Variants in EPB41 observed in about 807,000 individuals in gnomAD.
EPB41 encodes erythrocyte membrane protein band 4.1, also known as protein 4.1.
A neutral mutation model predicts 108.0 loss-of-function variants in EPB41; 65 were observed. That is an observed-to-expected ratio of 0.60 (90% CI 0.49 to 0.74). The LOEUF (loss-of-function observed/expected upper bound fraction) is 0.74. Ranked by LOEUF, EPB41 falls within the 30% of genes least tolerant of loss-of-function variation. EPB41 has a pLI of 0.00. For synonymous variants in EPB41, 336 were observed against 358.9 expected, an observed-to-expected ratio of 0.94 and a Z score of 0.72; for missense variants, 875 against 1,037.0, an observed-to-expected ratio of 0.84 and a Z score of 2.15.
intron 17 of EPB41, 104 bp from the exon 18 acceptor site, chr1:29,109,231 GA>G (rs1668349210): frequency 2.3e-6 from 2 of 852,632 alleles, no homozygotes; most frequent in Admixed American, 3.8e-5. Context: ...CTAAGGGAAT[GA>G]GATTTTTGCA....
At chr1:29,067,268 C>T (rs1292261230) in intron 16 of EPB41, among the ~76,000 whole-genome samples, 2 of 151,484 alleles carry the variant, frequency 1.3e-5, no homozygotes, top group African/African-American at 2.4e-5. Context: ...GAGGCCGAGG[C>T]GGGTGGATCA....
intron 19 of EPB41, among the ~76,000 whole-genome samples, chr1:29,113,285 A>G (rs1482525350): frequency 6.6e-6 from 1 of 152,216 alleles, no homozygotes; most frequent in Non-Finnish European, 1.5e-5. Flanking sequence ...TGCTTCTGGA[A>G]TCGTTGACTG....
At chr1:28,906,537 G>T (rs2091841325) in intron 1 of EPB41, among the ~76,000 whole-genome samples, 1 of 152,138 alleles carries the variant, frequency 6.6e-6, no homozygotes, top group African/African-American at 2.4e-5. Context: ...GGTTGGAGAG[G>T]GTCATGGGAG....
chr1:29,042,649 T>G (rs1360854820), intron 11 of EPB41, among the ~76,000 whole-genome samples: 4 of 152,078 alleles, frequency 2.6e-5, no homozygotes, highest in Non-Finnish European at 4.4e-5. Flanking sequence ...TGGCTAATTT[T>G]TGTATTTTTA....
At position 28,923,106 on chromosome 1, in the gene EPB41, CTTTTCTTTTTTTT is replaced by C. The variant is rs1186418020; in HGVS notation, c.-8+8343_-8+8355del. On this transcript the variant is annotated intron_variant, in intron 1 of 20. Coordinates refer to ENST00000343067, the MANE Select transcript of EPB41 (RefSeq NM_001376013.1). ...TTTTCTTCCTTCTTTCCTTTCTTTT[CTTTTCTTTTTTTT>C]TTTTTTTTTTTGAGATGGAGTCTCA... Among the ~76,000 whole-genome samples the C allele has an allele frequency of 7.0e-5, 8 of 114,728 alleles. No individual in the cohort carries two copies. In the East Asian group the frequency reaches 2.3e-3, roughly 33 times the overall value. 75.3% of individuals were successfully genotyped at this position (114,728 alleles called of 152,430 possible).
chr1:29,096,125 T>C, intron 16 of EPB41: 2 of 983,984 alleles, frequency 2.0e-6, no homozygotes, highest in Non-Finnish European at 2.4e-6. Context: ...CCTAATCTTC[T>C]TGCTTTTGTA....
At chr1:29,028,464 C>T (rs191912144) in intron 7 of EPB41, among the ~76,000 whole-genome samples, 1 of 152,296 alleles carries the variant, frequency 6.6e-6, no homozygotes, top group East Asian at 1.9e-4. Flanking sequence ...AACATTCATT[C>T]ATTCAGCAAA....
chr1:29,117,895 CAAGGAATTG>C lies in EPB41; in HGVS notation c.*1085_*1093del, dbSNP rs1671255075. 1 of 152,526 alleles carries C rather than the reference CAAGGAATTG, an allele frequency of 6.6e-6. No homozygotes were observed. The allele number at this position is 152,526 out of a possible 1,614,324, so 9.4% of individuals were successfully genotyped here. A position where few individuals can be genotyped will look rare whatever the true frequency, so the allele number is the denominator to read the frequency against. ...CCTGCCTGAGGACACCCTTCTAGAG[CAAGGAATTG>C]ACTTTTAGGAGCCGTTCTCCCCACA... is the stretch of plus-strand genomic sequence containing the variant. On this transcript the variant is annotated 3_prime_UTR_variant, in exon 21 of 21. Coordinates refer to ENST00000343067, the MANE Select transcript of EPB41 (RefSeq NM_001376013.1).
At chr1:29,070,733 C>T in intron 16 of EPB41, 1 of 1,207,976 alleles carries the variant, frequency 8.3e-7, no homozygotes, top group Non-Finnish European at 1.0e-6. Flanking sequence ...CCTAGGGGAG[C>T]TCTTGTGATC....
At chr1:28,963,616 T>C (rs572931439) in intron 1 of EPB41, among the ~76,000 whole-genome samples, 1 of 152,290 alleles carries the variant, frequency 6.6e-6, no homozygotes, top group Non-Finnish European at 1.5e-5. Flanking sequence ...AATTTTATTT[T>C]GGAACATTTC....
intron 11 of EPB41, among the ~76,000 whole-genome samples, chr1:29,039,786 C>T (rs1048103900): frequency 6.6e-6 from 1 of 152,064 alleles, no homozygotes; most frequent in African/African-American, 2.4e-5. Flanking sequence ...TGCACTCCAG[C>T]CTGGCTGACA....
intron 1 of EPB41, among the ~76,000 whole-genome samples, chr1:28,950,675 G>A (rs1322469408): frequency 6.6e-6 from 1 of 152,164 alleles, no homozygotes; most frequent in Non-Finnish European, 1.5e-5. Context: ...GCCATCTTGT[G>A]ACCTTCAGCC....
At chr1:28,966,140 C>T (rs532514332) in intron 1 of EPB41, among the ~76,000 whole-genome samples, 4 of 151,228 alleles carry the variant, frequency 2.6e-5, no homozygotes, top group East Asian at 3.9e-4. Context: ...GAGCTGAGAT[C>T]GCGCCTTTGC....
intron 17 of EPB41, among the ~76,000 whole-genome samples, chr1:29,100,377 G>A (rs1032132263): frequency 2.7e-5 from 4 of 145,932 alleles, no homozygotes; most frequent in African/African-American, 4.9e-5. Context: ...CAGGAGAATC[G>A]CTTGAATCTG....
At chr1:28,912,141 G>A (rs2092290917), upstream of EPB41, among the ~76,000 whole-genome samples, 1 of 152,168 alleles carries the variant, frequency 6.6e-6, no homozygotes, top group African/African-American at 2.4e-5. Flanking sequence ...TGTAAAATGA[G>A]GATGTTCATT....
intron 12 of EPB41, among the ~76,000 whole-genome samples, chr1:29,056,864 T>C (rs1380461824): frequency 1.3e-5 from 2 of 152,186 alleles, no homozygotes; most frequent in Non-Finnish European, 2.9e-5. Flanking sequence ...CTCTCAGTTT[T>C]CTGCTATTGG....
chr1:29,100,602 C>T (rs1664982527), intron 17 of EPB41, among the ~76,000 whole-genome samples: 1 of 146,688 alleles, frequency 6.8e-6, no homozygotes, highest in Non-Finnish European at 1.5e-5. Context: ...CCAGCCTGGG[C>T]AACAAAGTAA....
chr1:29,110,307 T>G (rs1170094300), intron 18 of EPB41, among the ~76,000 whole-genome samples: 1 of 152,224 alleles, frequency 6.6e-6, no homozygotes, highest in East Asian at 1.9e-4. Flanking sequence ...ATCATGCCAC[T>G]GCACTCCAGC....
intron 1 of EPB41, among the ~76,000 whole-genome samples, chr1:28,932,609 C>T (rs2093807035): frequency 6.6e-6 from 1 of 150,852 alleles, no homozygotes; most frequent in East Asian, 1.9e-4. Context: ...AGTCTAAGAT[C>T]TTTCTCCTCT....
Sources: allele counts gnomAD v4.1 joint callset (sites outside exome capture counted in the v4.1 genomes callset), GRCh38; gene constraint gnomAD v4.1.1; transcripts MANE v1.5; gene names NCBI Gene and HGNC (gene_info 2026-07-23, HGNC 2026-07-21).